The following TMEM164 variants were observed in gnomAD, a reference collection of about 807,000 sequenced individuals.
TMEM164 encodes the protein transmembrane protein 164.
In TMEM164, 4 loss-of-function variants were observed where a neutral mutation model predicts 18.8. That is an observed-to-expected ratio of 0.21 (90% confidence interval 0.10 to 0.49). The LOEUF (loss-of-function observed/expected upper bound fraction) is 0.49. Among genes scored for constraint, TMEM164 ranks in the 20% least tolerant of loss-of-function variants. The pLI, the probability that TMEM164 is intolerant of heterozygous loss-of-function variation, is 0.98. For missense variants in TMEM164, 108 were observed against 239.9 expected, an observed-to-expected ratio of 0.45 and a Z score of 3.63; for synonymous variants, 86 against 101.7, an observed-to-expected ratio of 0.85 and a Z score of 0.93.
intron 2 of TMEM164, chrX:110,020,639 G>A: frequency 2.7e-6 from 2 of 754,334 alleles, no homozygotes; most frequent in Non-Finnish European, 3.1e-6. Context: ...TGTAGAGGGT[G>A]AGGCCAAGGA....
intron 3 of TMEM164, among the ~76,000 whole-genome samples, chrX:110,103,199 T>C (rs2066137556): frequency 9.0e-6 from 1 of 111,720 alleles, no homozygotes; most frequent in African/African-American, 3.3e-5. Context: ...GCCACAAGAG[T>C]AGACAGAGGA....
At chrX:110,086,141 C>G (rs2065848189) in intron 3 of TMEM164, among the ~76,000 whole-genome samples, 1 of 111,826 alleles carries the variant, frequency 8.9e-6, no homozygotes, top group Non-Finnish European at 1.9e-5. Flanking sequence ...ATAAGTTGGC[C>G]ATCAGTTTAA....
downstream of TMEM164, among the ~76,000 whole-genome samples, chrX:110,180,497 C>T (rs73636953): frequency 3.7e-5 from 4 of 108,591 alleles, no homozygotes; most frequent in South Asian, 1.2e-3. Context: ...CCCCCCGCCC[C>T]GCCCACAGTC....
At chrX:110,082,058 C>T (rs1194986397) in intron 3 of TMEM164, 1 of 112,588 alleles carries the variant, frequency 8.9e-6, no homozygotes, top group Non-Finnish European at 1.9e-5. Context: ...TTATATGTAC[C>T]TCAGTTGACA....
chrX:110,033,716 T>C (rs1934629391), intron 2 of TMEM164, among the ~76,000 whole-genome samples: 1 of 111,591 alleles, frequency 9.0e-6, no homozygotes, highest in African/African-American at 3.3e-5. Context: ...ATCTAAGGAC[T>C]CCTTGAGGGC....
chrX:110,004,643 G>A (rs1269098859), intron 2 of TMEM164, among the ~76,000 whole-genome samples: 2 of 112,252 alleles, frequency 1.8e-5, no homozygotes, highest in African/African-American at 6.5e-5. Flanking sequence ...TACTTTTACA[G>A]GTTTCTCTTA....
chrX:110,077,459 A>C (rs972246747), intron 3 of TMEM164, among the ~76,000 whole-genome samples: 2 of 111,733 alleles, frequency 1.8e-5, no homozygotes, highest in African/African-American at 3.3e-5. Flanking sequence ...TTTACATTCA[A>C]CATTAATATT....
chrX:110,050,041 G>A (rs191654439), intron 2 of TMEM164, among the ~76,000 whole-genome samples: 3 of 112,163 alleles, frequency 2.7e-5, no homozygotes, highest in East Asian at 2.8e-4. Flanking sequence ...ATTGAACACC[G>A]TTAAGAAAAG....
intron 2 of TMEM164, among the ~76,000 whole-genome samples, chrX:110,014,801 T>A (rs1297081184): frequency 1.0e-5 from 1 of 97,410 alleles, no homozygotes; most frequent in Admixed American, 1.2e-4. Flanking sequence ...TTAAGGGGAG[T>A]GCAACTTTCT....
chrX:110,007,914 A>G (rs940016943), intron 2 of TMEM164, among the ~76,000 whole-genome samples: 2 of 112,151 alleles, frequency 1.8e-5, no homozygotes, highest in African/African-American at 6.5e-5. Flanking sequence ...AAGCATATGC[A>G]GTTTAACCCT....
chrX:110,047,699 T>A (rs1935374612), intron 2 of TMEM164, among the ~76,000 whole-genome samples: 2 of 112,121 alleles, frequency 1.8e-5, no homozygotes, highest in African/African-American at 6.5e-5. Flanking sequence ...TTTCCAGACA[T>A]TCCCCAACAA....
At chrX:110,034,090 CCTT>C (rs375480839) in intron 2 of TMEM164, among the ~76,000 whole-genome samples, 8 of 111,787 alleles carry the variant, frequency 7.2e-5, no homozygotes, top group East Asian at 2.8e-4. Flanking sequence ...CTTAGGCTAA[CCTT>C]CTCCTGTAAC....
At chrX:110,053,668 C>T (rs1017941294) in intron 2 of TMEM164, among the ~76,000 whole-genome samples, 4 of 111,645 alleles carry the variant, frequency 3.6e-5, no homozygotes, top group Non-Finnish European at 1.9e-5. Context: ...AACTGGATAC[C>T]ATCCATCCCT....
At position 110,171,460 on chromosome X, in the gene TMEM164, T is replaced by C. The variant is rs1338801509; in HGVS notation, c.627T>C (p.Ala209=). ...AGCCCCTCAGCAGTTTCCGGTGGGC[T>C]CTTCTCTCAACTGGCCTCATGTTCT... ...TPEPLSSFRW[A]LLSTGLMFFY... Residue 209 remains alanine (A), a synonymous_variant, in exon 6 of 7, where the codon GCT becomes GCC. Coordinates refer to ENST00000372068, the MANE Select transcript of TMEM164 (RefSeq NM_032227.4). 24 of 1,211,097 alleles carry C rather than the reference T, an allele frequency of 2.0e-5. No homozygotes were observed. The highest frequency in any genetic ancestry group is 2.6e-5 in the Non-Finnish European group (23 of 895,132).
chrX:110,087,461 A>G (rs1392893267), intron 3 of TMEM164, among the ~76,000 whole-genome samples: 2 of 111,567 alleles, frequency 1.8e-5, no homozygotes, highest in Non-Finnish European at 3.8e-5. Context: ...CTGAGTTGGG[A>G]TATCTTGAAG....
At chrX:110,171,665 C>T (rs752396163) in intron 6 of TMEM164, 145 bp downstream of exon 6, 10 of 552,102 alleles carry the variant, frequency 1.8e-5, no homozygotes, top group Non-Finnish European at 2.5e-5. Flanking sequence ...GTCTGGATTG[C>T]TGATTTATGA....
intron 3 of TMEM164, among the ~76,000 whole-genome samples, chrX:110,105,750 TGAGAGAGAGA>T (rs59866982): frequency 0.037 from 2,684 of 72,224 alleles, 89 homozygotes; most frequent in African/African-American, 0.13. Flanking sequence ...AGAGAGAGAA[TGAGAGAGAGA>T]GAGAGAGAGA....
chrX:110,067,156 A>G lies in TMEM164; in HGVS notation c.391-191A>G, dbSNP rs5942883. Among the ~76,000 whole-genome samples the G allele has an allele frequency of 4.1e-3, 280 of 67,870 alleles. 1 individual carries two copies. Among genetic ancestry groups the G allele is most frequent in the African/African-American group, 5.1e-3 (125 of 24,700 alleles). The allele number at this position is 67,870 out of a possible 115,157, so 58.9% of individuals were successfully genotyped here. ...CCTTCTCCCTTTCTCATGTGTGCGC[A>G]CACACACACACACACACACACACGC... is the stretch of plus-strand genomic sequence containing the variant. On this transcript the variant is annotated intron_variant, in intron 2 of 6. Coordinates refer to ENST00000372068, the MANE Select transcript of TMEM164 (RefSeq NM_032227.4).
At chrX:110,170,129 T>A (rs2067210874) in intron 5 of TMEM164, among the ~76,000 whole-genome samples, 1 of 112,488 alleles carries the variant, frequency 8.9e-6, no homozygotes, top group African/African-American at 3.2e-5. Context: ...GTTCTCTGAA[T>A]TGCCCCACTC....
Sources: gnomAD v4.1 joint callset for allele counts (sites outside exome capture counted in the v4.1 genomes callset) on GRCh38, gnomAD v4.1.1 for gene constraint, MANE v1.5 for transcripts, NCBI Gene and HGNC (gene_info 2026-07-23, HGNC 2026-07-21) for gene names.